Variants in ULK4 observed in about 807,000 individuals in gnomAD.
ULK4 encodes unc-51 like kinase 4, also known as inactive serine/threonine-protein kinase ULK4.
In ULK4, 133 loss-of-function variants were observed where a neutral mutation model predicts 160.6. The ratio of observed to expected loss-of-function variants is 0.83; its 90% CI spans 0.72 to 0.96. The LOEUF is 0.96. ULK4 is among the 40% of genes least tolerant of loss of function. The pLI, the probability that ULK4 is intolerant of heterozygous loss-of-function variation, is 0.00. For missense variants in ULK4, 1,580 were observed against 1,499.5 expected, an observed-to-expected ratio of 1.05 and a Z score of -0.89; for synonymous variants, 534 against 539.8, an observed-to-expected ratio of 0.99 and a Z score of 0.15.
chr3:41,774,550 G>A (rs10452022), intron 21 of ULK4, among the ~76,000 whole-genome samples: 24,903 of 141,970 alleles, frequency 0.18, 2,457 homozygotes, highest in Middle Eastern at 0.29. Context: ...TTAGAATGGC[G>A]ATCATTAAAA....
intron 32 of ULK4, among the ~76,000 whole-genome samples, chr3:41,498,355 A>G (rs975028927): frequency 3.9e-5 from 6 of 152,212 alleles, no homozygotes; most frequent in African/African-American, 1.4e-4. Context: ...TTCAAAATGA[A>G]TGATAATGAA....
intron 27 of ULK4, among the ~76,000 whole-genome samples, chr3:41,704,593 T>C (rs34636420): frequency 0.14 from 21,671 of 152,182 alleles, 1,953 homozygotes; most frequent in Admixed American, 0.21. Context: ...AGAGGACATA[T>C]GTCAATGTGT....
chr3:41,947,284 C>G (rs948859499), intron 2 of ULK4, among the ~76,000 whole-genome samples: 1 of 152,146 alleles, frequency 6.6e-6, no homozygotes, highest in Non-Finnish European at 1.5e-5. Flanking sequence ...GCACTCCAGC[C>G]CGGGCGACAG....
intron 18 of ULK4, among the ~76,000 whole-genome samples, chr3:41,832,855 G>A (rs552280495): frequency 6.6e-6 from 1 of 152,208 alleles, no homozygotes; most frequent in South Asian, 2.1e-4. Context: ...AGATGTATGG[G>A]TTATTTCTGA....
chr3:41,854,882 C>T (rs1286815661), intron 17 of ULK4: 1 of 149,404 alleles, frequency 6.7e-6, no homozygotes, highest in Non-Finnish European at 1.5e-5. Flanking sequence ...AGATCAGGTG[C>T]TACCTGGAGT....
At chr3:41,767,389 AT>A (rs1431886700) in intron 21 of ULK4, among the ~76,000 whole-genome samples, 3 of 152,170 alleles carry the variant, frequency 2.0e-5, no homozygotes, top group Non-Finnish European at 4.4e-5. Context: ...TAATAAAAAA[AT>A]CTACAATGTT....
At chr3:41,333,765 CCAATTT>C (rs1476853744) in intron 35 of ULK4, among the ~76,000 whole-genome samples, 11 of 152,164 alleles carry the variant, frequency 7.2e-5, no homozygotes, top group Admixed American at 2.0e-4. Flanking sequence ...AGAAAATAAA[CCAATTT>C]GGCAGCACAT....
At chr3:41,351,837 G>A (rs1343599629) in intron 35 of ULK4, among the ~76,000 whole-genome samples, 1 of 152,184 alleles carries the variant, frequency 6.6e-6, no homozygotes, top group Admixed American at 6.5e-5. Flanking sequence ...TCCACAGGGT[G>A]GAAGATCTGA....
chr3:41,685,302 G>C (rs946799578), intron 27 of ULK4, among the ~76,000 whole-genome samples: 1 of 152,142 alleles, frequency 6.6e-6, no homozygotes, highest in African/African-American at 2.4e-5. Flanking sequence ...CATAAAGAAG[G>C]TGAAGTTTCT....
In ULK4 at chr3:41,489,980, C is replaced by T. The variant is rs189132382; in HGVS notation, c.3227-26727G>A. Among the ~76,000 whole-genome samples, 30 of 152,300 alleles carry T rather than the reference C, an allele frequency of 2.0e-4. 1 individual carries two copies. In the South Asian group the frequency reaches 5.6e-3, roughly 28 times the overall value. On this transcript the variant is annotated intron_variant, in intron 32 of 36. Coordinates refer to ENST00000301831, the MANE Select transcript of ULK4 (RefSeq NM_017886.4). ...GACATCTTCAGCAACAGTCAAAAGG[C>T]ATAATGACTTTTTCTGTCCCTATGA...
chr3:41,774,965 T>C (rs1473907789), intron 21 of ULK4, among the ~76,000 whole-genome samples: 1 of 149,010 alleles, frequency 6.7e-6, no homozygotes, highest in Non-Finnish European at 1.5e-5. Context: ...AGTAAACTAT[T>C]GCAAGGACAA....
Position 41,413,263 on chromosome 3 carries a change from G to A in ULK4, c.3493-14999C>T, listed in dbSNP as rs1298795073. On this transcript the variant is annotated intron_variant, in intron 34 of 36. Transcript: ENST00000301831. ...ACTGGGTCCCTCCCTCAACATGAGG[G>A]GATTATGGGAGCTAAAATTCAAGAT... Among the ~76,000 whole-genome samples the A allele has an allele frequency of 2.0e-5, 3 of 152,108 alleles. 1 individual carries two copies. The Middle Eastern group carries it at 9.5e-3, about 481-fold the overall frequency.
intron 18 of ULK4, among the ~76,000 whole-genome samples, chr3:41,819,766 T>C (rs772128668): frequency 2.6e-5 from 4 of 152,226 alleles, no homozygotes; most frequent in Non-Finnish European, 5.9e-5. Flanking sequence ...ATTTAAAATA[T>C]TGAGAAATGA....
At chr3:41,409,431 C>T (rs1280370260) in intron 34 of ULK4, among the ~76,000 whole-genome samples, 1 of 151,948 alleles carries the variant, frequency 6.6e-6, no homozygotes, top group African/African-American at 2.4e-5. Flanking sequence ...AGGATATAAC[C>T]AAGAAAGTAA....
At chr3:41,680,795 T>C (rs1559481381) in intron 29 of ULK4, among the ~76,000 whole-genome samples, 1 of 152,218 alleles carries the variant, frequency 6.6e-6, no homozygotes, top group Non-Finnish European at 1.5e-5. Flanking sequence ...GGTAGGCATA[T>C]TAATGCATGA....
At chr3:41,652,300 T>TA (rs1015800915) in intron 30 of ULK4, among the ~76,000 whole-genome samples, 37 of 150,964 alleles carry the variant, frequency 2.5e-4, no homozygotes, top group South Asian at 8.4e-4. Flanking sequence ...TATGAATAAG[T>TA]AAAAAAAAAT....
At chr3:41,911,141 ACATTTCACTGGC>A in intron 11 of ULK4, among the ~76,000 whole-genome samples, 164 bp downstream of exon 11, 1 of 152,382 alleles carries the variant, frequency 6.6e-6, no homozygotes. Flanking sequence ...AGCAAAATCT[ACATTTCACTGGC>A]CACGACCTAA....
chr3:41,824,529 G>C (rs1030574117), intron 18 of ULK4, among the ~76,000 whole-genome samples: 4 of 152,186 alleles, frequency 2.6e-5, no homozygotes, highest in Non-Finnish European at 5.9e-5. Flanking sequence ...TCCCACGCCT[G>C]GCTCGGAGGG....
Position 41,416,364 on chromosome 3 carries a change from T to C in ULK4, c.3493-18100A>G, listed in dbSNP as rs956934630. Among the ~76,000 whole-genome samples the C allele has an allele frequency of 2.6e-5, 4 of 152,332 alleles. No homozygotes were observed. In the South Asian group the frequency reaches 6.2e-4, roughly 24 times the overall value. ...GTGACCACCACAGGTCCTCATTACATTGTGGCAAGCACTGAGCAGAGCTTA... is the reference window on the plus strand; with the variant it reads ...GTGACCACCACAGGTCCTCATTACACTGTGGCAAGCACTGAGCAGAGCTTA... On this transcript the variant is annotated intron_variant, in intron 34 of 36. Transcript: ENST00000301831.
Sources: allele counts gnomAD v4.1 joint callset (sites outside exome capture counted in the v4.1 genomes callset), GRCh38; gene constraint gnomAD v4.1.1; transcripts MANE v1.5; gene names NCBI Gene and HGNC (gene_info 2026-07-23, HGNC 2026-07-21).